CACNA1C: variants seen among roughly 807,000 people sequenced by gnomAD.
CACNA1C encodes voltage-dependent L-type calcium channel subunit alpha-1C.
A neutral mutation model predicts 229.0 loss-of-function variants in CACNA1C; 30 were observed. That is an observed-to-expected ratio of 0.13 (90% CI 0.10 to 0.18). The LOEUF is 0.18. Among genes scored for constraint, CACNA1C ranks in the 10% least tolerant of loss-of-function variants. The pLI, the probability that CACNA1C is intolerant of heterozygous loss-of-function variation, is 1.00. For synonymous variants in CACNA1C, 1,114 were observed against 1,132.5 expected (o/e 0.98, Z 0.33); for missense variants, 1,658 against 2,845.0 (o/e 0.58, Z 9.49).
At chr12:2,436,837 T>G (rs1038499599) in intron 3 of CACNA1C, among the ~76,000 whole-genome samples, 1 of 152,220 alleles carries the variant, frequency 6.6e-6, no homozygotes, top group Admixed American at 6.5e-5. Context: ...CAAATTAAGG[T>G]GGCACTGAAG....
chr12:2,330,043 A>G (rs1418280747), intron 3 of CACNA1C, among the ~76,000 whole-genome samples: 1 of 152,266 alleles, frequency 6.6e-6, no homozygotes, highest in Non-Finnish European at 1.5e-5. Flanking sequence ...AGAAGGCCAC[A>G]GGAACTAAGA....
At position 2,678,105 on chromosome 12, in the gene CACNA1C, C is replaced by T. The variant is rs761350741; in HGVS notation, c.5091+238C>T. Among the ~76,000 whole-genome samples the T allele has an allele frequency of 2.0e-5, 3 of 152,168 alleles. No homozygotes were observed. The highest frequency in any genetic ancestry group is 4.8e-5 in the African/African-American group (2 of 41,440). On this transcript the variant is annotated intron_variant, in intron 41 of 46. Coordinates refer to ENST00000399655, the MANE Select transcript of CACNA1C (RefSeq NM_000719.7). The surrounding 1 kb of genome is among the most constrained non-coding windows in gnomAD (Gnocchi z 4.1). ...TCAGTGTCACTGGCTCTCAGAGAAG[C>T]GGGAAGGAACCGCCTTCCTAAGGGA...
intron 3 of CACNA1C, among the ~76,000 whole-genome samples, chr12:2,192,714 C>T (rs547603326): frequency 6.6e-6 from 1 of 151,202 alleles, no homozygotes; most frequent in Non-Finnish European, 1.5e-5. Flanking sequence ...ACCTGGCACT[C>T]CCCCCACTCT....
chr12:2,677,500 C>G lies in CACNA1C; in HGVS notation c.4957-233C>G, dbSNP rs1048624472. On this transcript the variant is annotated intron_variant, in intron 40 of 46. Transcript: ENST00000399655. This position sits in a 1 kb window ranked among gnomAD's most constrained non-coding sequence, Gnocchi z 7.4. ...GAGGCTCCCGTGACAGCCCCTGACC[C>G]CTGGTGCCCCGTCCTAATGAGCCTT... 1.6e-6 allele frequency: 1 copy of G among 617,826 alleles called. No homozygotes were observed. The highest frequency in any genetic ancestry group is 4.4e-4 in the Middle Eastern group (1 of 2,292). 38.3% of individuals were successfully genotyped at this position (617,826 alleles called of 1,614,324 possible).
chr12:2,466,690 C>T (rs2099553184), intron 5 of CACNA1C, among the ~76,000 whole-genome samples: 1 of 152,178 alleles, frequency 6.6e-6, no homozygotes, highest in African/African-American at 2.4e-5. Flanking sequence ...GCAGAGGACC[C>T]AGCCTCCAGC....
Position 2,605,307 on chromosome 12 carries a change from T to A in CACNA1C, c.3048+139T>A. On this transcript the variant is annotated intron_variant, in intron 23 of 46. Coordinates refer to ENST00000399655, the MANE Select transcript of CACNA1C (RefSeq NM_000719.7). The surrounding 1 kb of genome is among the most constrained non-coding windows in gnomAD (Gnocchi z 6.2). Reference sequence around the variant, plus strand: ...GTGGGGTCCCGGACACTGGTCCCACTGCATGTCCCGGTTCCGTAATGAACA... The same window carrying A: ...GTGGGGTCCCGGACACTGGTCCCACAGCATGTCCCGGTTCCGTAATGAACA... 1.6e-6 allele frequency: 1 copy of A among 644,322 alleles called. No individual in the cohort carries two copies. Among genetic ancestry groups the A allele is most frequent in the East Asian group, 2.7e-5 (1 of 36,834 alleles). 39.9% of individuals were successfully genotyped at this position (644,322 alleles called of 1,614,324 possible).
At chr12:2,199,395 G>T (rs2097521666) in intron 3 of CACNA1C, among the ~76,000 whole-genome samples, 2 of 152,184 alleles carry the variant, frequency 1.3e-5, no homozygotes, top group Admixed American at 1.3e-4. Flanking sequence ...AAACCTTTAT[G>T]ATGGTCCACT....
In CACNA1C at chr12:2,679,799, A is replaced by T; in HGVS notation, c.5444+3A>T. 6.5e-7 allele frequency: 1 copy of T among 1,550,050 alleles called. No individual in the cohort carries two copies. Among genetic ancestry groups the T allele is most frequent in the Non-Finnish European group, 8.7e-7 (1 of 1,144,214 alleles). Reference sequence around the variant, plus strand: ...GCGTGGAAGCTCAGCTCCAACAGGTAAGTGGGAGGCTGGCCACCCCAGGCG... The same window carrying T: ...GCGTGGAAGCTCAGCTCCAACAGGTTAGTGGGAGGCTGGCCACCCCAGGCG... On this transcript the variant is annotated splice_donor_region_variant and intron_variant, in intron 42 of 46. Transcript: ENST00000399655. The surrounding 1 kb of genome is among the most constrained non-coding windows in gnomAD (Gnocchi z 5.5).
intron 3 of CACNA1C, among the ~76,000 whole-genome samples, chr12:2,429,378 G>A (rs1377876978): frequency 1.3e-5 from 2 of 152,230 alleles, no homozygotes; most frequent in South Asian, 2.1e-4. Context: ...AGGAGTCTGC[G>A]CTCTCCTCGG....
rs187826823 is a variant in CACNA1C at position 2,263,305 on chromosome 12, G to C, written c.477+142875G>C. Among the ~76,000 whole-genome samples the C allele has an allele frequency of 1.6e-3, 239 of 152,172 alleles. 2 individuals carry two copies. The highest frequency in any genetic ancestry group is 5.5e-3 in the African/African-American group (227 of 41,498). On this transcript the variant is annotated intron_variant, in intron 3 of 46. Coordinates refer to ENST00000399655, the MANE Select transcript of CACNA1C (RefSeq NM_000719.7). ...ATGCCCAGCGTGTCTGGGAGCAGGA[G>C]GGCCAGGTGCGGAGGCCCTCAGGTA...
intron 3 of CACNA1C, among the ~76,000 whole-genome samples, chr12:2,306,893 C>T (rs1451983071): frequency 1.3e-5 from 2 of 152,216 alleles, no homozygotes; most frequent in African/African-American, 4.8e-5. Context: ...CCTGTTTGCA[C>T]TGCCAGTGGC....
At chr12:2,552,716 G>A (rs1172973564) in intron 10 of CACNA1C, among the ~76,000 whole-genome samples, 1 of 152,176 alleles carries the variant, frequency 6.6e-6, no homozygotes, top group Non-Finnish European at 1.5e-5. Flanking sequence ...TGTGTGTTCT[G>A]GGGTGCTACC....
chr12:2,202,560 G>A (rs2097614239), intron 3 of CACNA1C, among the ~76,000 whole-genome samples: 1 of 152,104 alleles, frequency 6.6e-6, no homozygotes, highest in African/African-American at 2.4e-5. Flanking sequence ...TGTTTTGGGG[G>A]ATGAGGACCT....
chr12:2,547,542 T>A (rs2099883747), intron 9 of CACNA1C: 1 of 779,382 alleles, frequency 1.3e-6, no homozygotes, highest in Non-Finnish European at 2.4e-6. Context: ...TCCCCTGTGC[T>A]CTGTGTGTGT....
At chr12:2,404,950 T>C (rs1301580942) in intron 3 of CACNA1C, among the ~76,000 whole-genome samples, 1 of 152,180 alleles carries the variant, frequency 6.6e-6, no homozygotes, top group African/African-American at 2.4e-5. Flanking sequence ...CAGGACATAG[T>C]AGATCTTTCC....
chr12:2,141,678 G>A (rs1320445373), intron 3 of CACNA1C, among the ~76,000 whole-genome samples: 7 of 151,358 alleles, frequency 4.6e-5, no homozygotes, highest in Non-Finnish European at 1.0e-4. Context: ...CAGAAGGTTG[G>A]CCCATGCAGC....
At chr12:2,528,668 G>T (rs2099833210) in intron 9 of CACNA1C, among the ~76,000 whole-genome samples, 1 of 152,224 alleles carries the variant, frequency 6.6e-6, no homozygotes, top group Non-Finnish European at 1.5e-5. Context: ...GCCAAGCAAG[G>T]AGATGGAAGA....
rs2090986447 is a variant in CACNA1C at position 2,632,548 on chromosome 12, C to T, written c.3829-1749C>T. ...AAAAGTCTTTTAAGAACATTCGTCC[C>T]TTCTCTTCTCCAAACATGGTGAAAA... On this transcript the variant is annotated intron_variant, in intron 29 of 46. Transcript: ENST00000399655. This position sits in a 1 kb window ranked among gnomAD's most constrained non-coding sequence, Gnocchi z 4.1. Among the ~76,000 whole-genome samples the T allele has an allele frequency of 6.6e-6, 1 of 152,274 alleles. No individual in the cohort carries two copies. Among genetic ancestry groups the T allele is most frequent in the African/African-American group, 2.4e-5 (1 of 41,554 alleles).
Position 2,677,874 on chromosome 12 carries a change from G to GGTGC in CACNA1C, c.5091+8_5091+11dup. The GGTGC allele has an allele frequency of 6.2e-7, 1 of 1,613,920 alleles. No individual in the cohort carries two copies. The stretch of plus-strand genomic sequence containing the variant: ...TGAAGATGACATCTTCAGGGTGGGT[G>GGTGC]GTGCCATGGCGCACTCTCGACCCCT... On this transcript the variant is annotated splice_region_variant and intron_variant, in intron 41 of 46. Transcript: ENST00000399655. This position sits in a 1 kb window ranked among gnomAD's most constrained non-coding sequence, Gnocchi z 7.4.
Sources: allele counts gnomAD v4.1 joint callset (sites outside exome capture counted in the v4.1 genomes callset), GRCh38; gene constraint gnomAD v4.1.1; non-coding constraint Gnocchi (gnomAD v3.1); transcripts MANE v1.5; gene names NCBI Gene and HGNC (gene_info 2026-07-23, HGNC 2026-07-21).